The following GABRG3 variants were observed in gnomAD, a reference collection of about 807,000 sequenced individuals.
The protein encoded by GABRG3 is gamma-aminobutyric acid receptor subunit gamma-3.
A neutral mutation model predicts 48.8 loss-of-function variants in GABRG3; 25 were observed. The ratio of observed to expected loss-of-function variants is 0.51; its 90% CI spans 0.37 to 0.72. The LOEUF is 0.72. Ranked by LOEUF, GABRG3 falls within the 30% of genes least tolerant of loss-of-function variation. The probability of loss-of-function intolerance (pLI) is 0.00; values close to 1 mark genes in which losing one functional copy is unlikely to be tolerated. For missense variants in GABRG3, 394 were observed against 577.9 expected (o/e 0.68, Z 3.26); for synonymous variants, 227 against 217.6 (o/e 1.04, Z -0.38).
chr15:27,179,945 G>C lies in GABRG3; in HGVS notation c.271-146864G>C, dbSNP rs1008242122. ...TCACAGTTCATCGCCTCCTAGATGA[G>C]GCTGGGCGTGGCTCTGAAGAGCTGC... On this transcript the variant is annotated intron_variant, in intron 3 of 9. Coordinates refer to ENST00000615808, the MANE Select transcript of GABRG3 (RefSeq NM_033223.5). This position sits in a 1 kb window ranked among gnomAD's most constrained non-coding sequence, Gnocchi z 4.0. Among the ~76,000 whole-genome samples, 1 of 152,172 alleles carries C rather than the reference G, an allele frequency of 6.6e-6. No individual in the cohort carries two copies. Among genetic ancestry groups the C allele is most frequent in the African/African-American group, 2.4e-5 (1 of 41,452 alleles).
chr15:27,080,943 G>A (rs77682293), intron 3 of GABRG3, among the ~76,000 whole-genome samples: 29,373 of 152,168 alleles, frequency 0.19, 2,922 homozygotes, highest in Middle Eastern at 0.25. Flanking sequence ...GCCTGCTGGT[G>A]GGGGTGGTGG....
intron 5 of GABRG3, among the ~76,000 whole-genome samples, chr15:27,477,106 T>A (rs1460385127): frequency 6.6e-6 from 1 of 152,112 alleles, no homozygotes; most frequent in Non-Finnish European, 1.5e-5. Flanking sequence ...AAAAGACAAG[T>A]CACATCCACA....
intron 3 of GABRG3, among the ~76,000 whole-genome samples, chr15:27,270,611 T>G (rs1332778432): frequency 6.6e-6 from 1 of 152,140 alleles, no homozygotes; most frequent in Non-Finnish European, 1.5e-5. Context: ...TTGGAGAGGT[T>G]GTTCCACGGG....
chr15:26,978,099 CTTTTA>C (rs1042157589), intron 2 of GABRG3, among the ~76,000 whole-genome samples: 3 of 152,054 alleles, frequency 2.0e-5, no homozygotes, highest in Non-Finnish European at 4.4e-5. Flanking sequence ...CTGAACTCTT[CTTTTA>C]TTTTATTTAT....
chr15:27,077,431 C>A (rs1340707546), intron 3 of GABRG3, among the ~76,000 whole-genome samples: 1 of 152,128 alleles, frequency 6.6e-6, no homozygotes, highest in Non-Finnish European at 1.5e-5. Context: ...TGGACTCTTA[C>A]TCTCTCATTT....
chr15:27,480,624 T>G (rs1347845521), intron 5 of GABRG3, 26 bp from the exon 6 acceptor site: 4 of 1,567,830 alleles, frequency 2.6e-6, no homozygotes, highest in Non-Finnish European at 3.5e-6. Flanking sequence ...TACCTTCAAG[T>G]GCTAATGTTT....
chr15:27,122,991 G>A (rs1897757392), intron 3 of GABRG3, among the ~76,000 whole-genome samples: 1 of 152,196 alleles, frequency 6.6e-6, no homozygotes, highest in Admixed American at 6.5e-5. Context: ...GAAGGGCAAA[G>A]ATGGGCCTGG....
chr15:27,484,726 ACACT>A (rs1457840754), intron 6 of GABRG3, among the ~76,000 whole-genome samples: 1 of 152,196 alleles, frequency 6.6e-6, no homozygotes, highest in Non-Finnish European at 1.5e-5. Context: ...GGCATGCTAA[ACACT>A]CACCTCACAC....
In GABRG3 at chr15:27,306,709, TACA is replaced by T. The variant is rs1246310744; in HGVS notation, c.271-20098_271-20096del. Among the ~76,000 whole-genome samples the T allele has an allele frequency of 1.2e-4, 15 of 125,292 alleles. No individual in the cohort carries two copies. The South Asian group carries it at 1.5e-3, about 12-fold the overall frequency. The allele number at this position is 125,292 out of a possible 152,430, so 82.2% of individuals were successfully genotyped here. On this transcript the variant is annotated intron_variant, in intron 3 of 9. Transcript: ENST00000615808. ...ATGAACATGTTTATATATAAACATA[TACA>T]ATATAAACATGTTTATATATAAACA... is the stretch of plus-strand genomic sequence containing the variant.
At chr15:27,138,466 G>C (rs1244018815) in intron 3 of GABRG3, among the ~76,000 whole-genome samples, 2 of 152,074 alleles carry the variant, frequency 1.3e-5, no homozygotes, top group African/African-American at 4.8e-5. Context: ...AATGTTCTTG[G>C]AATGCATCAC....
At chr15:27,168,357 G>T (rs1331347040) in intron 3 of GABRG3, among the ~76,000 whole-genome samples, 1 of 151,576 alleles carries the variant, frequency 6.6e-6, no homozygotes, top group African/African-American at 2.4e-5. Flanking sequence ...GCAGGCAGTC[G>T]CCCCACACAT....
chr15:26,991,302 A>G (rs1365161925), intron 2 of GABRG3, among the ~76,000 whole-genome samples: 1 of 151,938 alleles, frequency 6.6e-6, no homozygotes, highest in African/African-American at 2.4e-5. Flanking sequence ...TGCCACTGCC[A>G]TGCTGTTTTT....
At chr15:27,060,814 G>A (rs1326105229) in intron 3 of GABRG3, among the ~76,000 whole-genome samples, 1 of 152,216 alleles carries the variant, frequency 6.6e-6, no homozygotes. Context: ...TAAAGGGAAT[G>A]ATGGCTTTGG....
intron 5 of GABRG3, among the ~76,000 whole-genome samples, chr15:27,329,500 G>T (rs1268945177): frequency 6.6e-6 from 1 of 152,074 alleles, no homozygotes; most frequent in African/African-American, 2.4e-5. Flanking sequence ...CCTGACCTCA[G>T]GTGATCCACC....
chr15:27,377,373 C>T (rs1895630527), intron 5 of GABRG3, among the ~76,000 whole-genome samples: 1 of 152,180 alleles, frequency 6.6e-6, no homozygotes, highest in Non-Finnish European at 1.5e-5. Flanking sequence ...CATTGCCTCA[C>T]TCTGCTGGTA....
chr15:27,381,676 T>G (rs1895781867), intron 5 of GABRG3, among the ~76,000 whole-genome samples: 2 of 152,204 alleles, frequency 1.3e-5, no homozygotes, highest in Non-Finnish European at 2.9e-5. Flanking sequence ...GAGTTTTTGA[T>G]TTTTCAATGA....
chr15:27,454,251 G>T (rs117883172), intron 5 of GABRG3, among the ~76,000 whole-genome samples: 1 of 152,116 alleles, frequency 6.6e-6, no homozygotes, highest in Admixed American at 6.6e-5. Context: ...AAAATGAAGC[G>T]TGTGGTCCAA....
chr15:27,272,814 C>G (rs1891132836), intron 3 of GABRG3, among the ~76,000 whole-genome samples: 1 of 152,108 alleles, frequency 6.6e-6, no homozygotes. Context: ...AGAATCAGGA[C>G]AAGTAGACAT....
intron 5 of GABRG3, among the ~76,000 whole-genome samples, chr15:27,430,914 C>G (rs562137287): frequency 1.5e-3 from 224 of 151,950 alleles, no homozygotes; most frequent in African/African-American, 5.2e-3. Context: ...CATTTGAACC[C>G]AAGAGGCAGA....
Sources: allele counts gnomAD v4.1 joint callset (sites outside exome capture counted in the v4.1 genomes callset), GRCh38; gene constraint gnomAD v4.1.1; non-coding constraint Gnocchi (gnomAD v3.1); transcripts MANE v1.5; gene names NCBI Gene and HGNC (gene_info 2026-07-23, HGNC 2026-07-21).